TAF3: variants seen among roughly 807,000 people sequenced by gnomAD.
TAF3 encodes the protein transcription initiation factor TFIID subunit 3.
In TAF3, 7 loss-of-function variants were observed where a neutral mutation model predicts 80.6. The ratio of observed to expected loss-of-function variants is 0.09; its 90% CI spans 0.05 to 0.16. The LOEUF (loss-of-function observed/expected upper bound fraction) is 0.16. TAF3 is among the 10% of genes least tolerant of loss of function. The pLI, the probability that TAF3 is intolerant of heterozygous loss-of-function variation, is 1.00. For missense variants in TAF3, 921 were observed against 1,140.2 expected (o/e 0.81, Z 2.77); for synonymous variants, 444 against 446.1 (o/e 1.00, Z 0.06).
In TAF3 at chr10:8,015,780, T is replaced by G. The variant is rs1013297543; in HGVS notation, c.*1029T>G. 1 of 152,160 alleles carries G rather than the reference T, an allele frequency of 6.6e-6. No individual in the cohort carries two copies. The highest frequency in any genetic ancestry group is 2.4e-5 in the African/African-American group (1 of 41,452). The allele number at this position is 152,160 out of a possible 1,614,324, so 9.4% of individuals were successfully genotyped here. A position where few individuals can be genotyped will look rare whatever the true frequency, so the allele number is the denominator to read the frequency against. The stretch of plus-strand genomic sequence containing the variant: ...TTAGAGTTTATGACTTGAAGTTGTT[T>G]TGTTTGTTGTCTATTTTGTTTTTGT... On this transcript the variant is annotated 3_prime_UTR_variant, in exon 7 of 7. Coordinates refer to ENST00000344293, the MANE Select transcript of TAF3 (RefSeq NM_031923.4).
At chr10:7,844,868 A>G (rs988013557) in intron 2 of TAF3, among the ~76,000 whole-genome samples, 1 of 152,160 alleles carries the variant, frequency 6.6e-6, no homozygotes, top group Non-Finnish European at 1.5e-5. Context: ...TTTTAAAAGA[A>G]TATGCCATTA....
intron 2 of TAF3, among the ~76,000 whole-genome samples, chr10:7,845,094 G>A (rs917734956): frequency 1.3e-5 from 2 of 152,120 alleles, no homozygotes; most frequent in Non-Finnish European, 2.9e-5. Flanking sequence ...TTACAGTGCC[G>A]TAATGAATGT....
chr10:7,906,752 C>T (rs538111701), intron 2 of TAF3, among the ~76,000 whole-genome samples: 11 of 151,422 alleles, frequency 7.3e-5, no homozygotes, highest in South Asian at 6.3e-4. Context: ...CCAATAGGCA[C>T]CTTATGCCTT....
chr10:7,881,168 C>G (rs1837357245), intron 2 of TAF3, among the ~76,000 whole-genome samples: 1 of 146,024 alleles, frequency 6.8e-6, no homozygotes, highest in African/African-American at 2.5e-5. Context: ...TCCAGCAGGT[C>G]AAGATTGCAG....
chr10:8,007,894 G>A (rs1393889504), intron 4 of TAF3, among the ~76,000 whole-genome samples: 1 of 151,820 alleles, frequency 6.6e-6, no homozygotes, highest in East Asian at 1.9e-4. Context: ...GTCTCTGGCG[G>A]CTGTAGAATT....
intron 2 of TAF3, among the ~76,000 whole-genome samples, chr10:7,838,230 T>A (rs1191692565): frequency 6.6e-6 from 1 of 152,202 alleles, no homozygotes; most frequent in East Asian, 1.9e-4. Flanking sequence ...CACAAGGAAC[T>A]GGTGTTGAAT....
chr10:7,975,535 T>C (rs551258186), intron 3 of TAF3, among the ~76,000 whole-genome samples: 1 of 152,290 alleles, frequency 6.6e-6, no homozygotes, highest in Admixed American at 6.5e-5. Context: ...CACTCGGTGC[T>C]CTAGGGGATG....
At chr10:7,931,425 T>A (rs1215730441) in intron 2 of TAF3, among the ~76,000 whole-genome samples, 3 of 152,192 alleles carry the variant, frequency 2.0e-5, no homozygotes, top group African/African-American at 7.2e-5. Context: ...TCCCCTGCGA[T>A]AGATTTTCCA....
rs1199919159 is a variant in TAF3 at position 7,965,400 on chromosome 10, A to G, written c.1890A>G (p.Lys630=). Residue 630 remains lysine (K), a synonymous_variant, in exon 3 of 7, where the codon AAA becomes AAG. Transcript: ENST00000344293. The stretch of plus-strand genomic sequence containing the variant: ...ATAGAGAGAAAGGCAAGAAAGATAA[A>G]GATAAGAGAGAGAAAGAAAAAGTGA... ...KKDREKGKKD[K]DKREKEKVKD... 3.7e-6 allele frequency: 6 copies of G among 1,612,484 alleles called. No individual in the cohort carries two copies. In the African/African-American group the frequency reaches 8.0e-5, roughly 22 times the overall value.
intron 3 of TAF3, among the ~76,000 whole-genome samples, chr10:7,971,204 G>A (rs2131416590): frequency 6.6e-6 from 1 of 152,202 alleles, no homozygotes; most frequent in South Asian, 2.1e-4. Flanking sequence ...CTGACTCTCT[G>A]TTTAATATTT....
chr10:7,964,848 A>G lies in TAF3; in HGVS notation c.1338A>G (p.Ser446=). 6.2e-7 allele frequency: 1 copy of G among 1,614,230 alleles called. No individual in the cohort carries two copies. Among genetic ancestry groups the G allele is most frequent in the Non-Finnish European group, 8.5e-7 (1 of 1,180,036 alleles). The change falls in exon 3 of 7, where the codon TCA becomes TCG. Residue 446 remains serine (S), a synonymous_variant. Coordinates refer to ENST00000344293, the MANE Select transcript of TAF3 (RefSeq NM_031923.4). This position sits in a 1 kb window ranked among gnomAD's most constrained non-coding sequence, Gnocchi z 4.1. ...CTTCCGCGAACAATTTCACAAAGTC[A>G]GGATCCACTCCTCTGCCTCTTTCCG... ...ASTSANNFTK[S]GSTPLPLSGG...
intron 2 of TAF3, among the ~76,000 whole-genome samples, chr10:7,901,334 A>G (rs999832812): frequency 3.9e-5 from 6 of 152,250 alleles, no homozygotes; most frequent in African/African-American, 1.2e-4. Context: ...AATGAAGTTA[A>G]TTACCCACAG....
Position 8,001,656 on chromosome 10 carries a change from G to C in TAF3, c.2316-7422G>C, listed in dbSNP as rs574445650. On this transcript the variant is annotated intron_variant, in intron 4 of 6. Transcript: ENST00000344293. Reference sequence around the variant, plus strand: ...TACTAGAAATTGTGTCCTACCCCAAGACTAAAAACATCTATATTTACTTAC... The same window carrying C: ...TACTAGAAATTGTGTCCTACCCCAACACTAAAAACATCTATATTTACTTAC... Among the ~76,000 whole-genome samples the C allele has an allele frequency of 2.6e-3, 394 of 152,234 alleles. 1 individual carries two copies. The highest frequency in any genetic ancestry group is 3.9e-3 in the Non-Finnish European group (264 of 68,004).
chr10:7,936,177 T>C (rs1435350208), intron 2 of TAF3, among the ~76,000 whole-genome samples: 1 of 152,220 alleles, frequency 6.6e-6, no homozygotes, highest in Admixed American at 6.5e-5. Flanking sequence ...GCATTAGCTG[T>C]GTGCGCGTTG....
rs141719582 is a variant in TAF3 at position 7,838,503 on chromosome 10, T to C, written c.409+13943T>C. 5.4e-3 allele frequency among the ~76,000 whole-genome samples: 820 copies of C among 152,222 alleles called. 13 individuals carry two copies. Among genetic ancestry groups the C allele is most frequent in the African/African-American group, 0.019 (792 of 41,514 alleles). ...TTTGAGCGATTCTCCTGCCTTAGCC[T>C]TCCAAGTAGCTGAAATTACAGGTGT... On this transcript the variant is annotated intron_variant, in intron 2 of 6. Coordinates refer to ENST00000344293, the MANE Select transcript of TAF3 (RefSeq NM_031923.4).
chr10:8,006,934 G>A (rs1055822060), intron 4 of TAF3, among the ~76,000 whole-genome samples: 2 of 152,154 alleles, frequency 1.3e-5, no homozygotes, highest in Admixed American at 6.5e-5. Flanking sequence ...TTTTCACTTT[G>A]TTGCTGAGAA....
chr10:7,860,520 C>G (rs1366774625), intron 2 of TAF3, among the ~76,000 whole-genome samples: 1 of 151,994 alleles, frequency 6.6e-6, no homozygotes, highest in Non-Finnish European at 1.5e-5. Context: ...GGAATTATTT[C>G]GAGATACTTC....
intron 2 of TAF3, among the ~76,000 whole-genome samples, chr10:7,869,683 C>T (rs1480686689): frequency 1.3e-5 from 2 of 152,206 alleles, no homozygotes; most frequent in African/African-American, 2.4e-5. Context: ...GCTTTTGATA[C>T]ATATTTCAGT....
chr10:7,849,033 C>A (rs1837000277), intron 2 of TAF3, among the ~76,000 whole-genome samples: 2 of 152,154 alleles, frequency 1.3e-5, no homozygotes, highest in Admixed American at 1.3e-4. Context: ...GTTTATATCA[C>A]ACTTTGAGGG....
Sources: allele counts gnomAD v4.1 joint callset (sites outside exome capture counted in the v4.1 genomes callset), GRCh38; gene constraint gnomAD v4.1.1; non-coding constraint Gnocchi (gnomAD v3.1); transcripts MANE v1.5; gene names NCBI Gene and HGNC (gene_info 2026-07-23, HGNC 2026-07-21).